The following SORCS1 variants were observed in gnomAD, a reference collection of about 807,000 sequenced individuals.
The protein encoded by SORCS1 is VPS10 domain-containing receptor SorCS1.
A neutral mutation model predicts 146.1 loss-of-function variants in SORCS1; 60 were observed. The observed-to-expected ratio is 0.41, with a 90% confidence interval of 0.33 to 0.51. The LOEUF (loss-of-function observed/expected upper bound fraction) is 0.51. Ranked by LOEUF, SORCS1 falls within the 20% of genes least tolerant of loss-of-function variation. The probability of loss-of-function intolerance (pLI) is 0.21; values close to 1 mark genes in which losing one functional copy is unlikely to be tolerated. For synonymous variants in SORCS1, 637 were observed against 584.0 expected (o/e 1.09, Z -1.31); for missense variants, 1,352 against 1,487.6 (o/e 0.91, Z 1.50).
intron 19 of SORCS1, among the ~76,000 whole-genome samples, chr10:106,624,953 G>A (rs970569847): frequency 6.6e-6 from 1 of 152,158 alleles, no homozygotes; most frequent in Non-Finnish European, 1.5e-5. Context: ...GACCCTGGAG[G>A]CCCCCAGCTG....
chr10:106,585,580 G>A (rs1845183842), intron 24 of SORCS1, among the ~76,000 whole-genome samples: 1 of 152,126 alleles, frequency 6.6e-6, no homozygotes, highest in Non-Finnish European at 1.5e-5. Context: ...TACATTGCTG[G>A]CTCAATCCTC....
intron 3 of SORCS1, among the ~76,000 whole-genome samples, chr10:106,808,107 G>A (rs1215775685): frequency 6.6e-6 from 1 of 152,206 alleles, no homozygotes; most frequent in Non-Finnish European, 1.5e-5. Flanking sequence ...CACAACCTCT[G>A]CTCTTGGGTT....
intron 18 of SORCS1, among the ~76,000 whole-genome samples, chr10:106,633,441 A>G (rs2133606536): frequency 6.6e-6 from 1 of 152,292 alleles, no homozygotes; most frequent in African/African-American, 2.4e-5. Context: ...GTGATTTTGG[A>G]CACATTAACC....
At chr10:106,820,192 A>G (rs561451707) in intron 3 of SORCS1, among the ~76,000 whole-genome samples, 2 of 152,172 alleles carry the variant, frequency 1.3e-5, no homozygotes, top group Non-Finnish European at 2.9e-5. Context: ...AACACTTAGT[A>G]TTCTACTCCC....
intron 2 of SORCS1, among the ~76,000 whole-genome samples, chr10:106,948,249 G>A (rs145358515): frequency 2.2e-4 from 33 of 150,676 alleles, no homozygotes; most frequent in Admixed American, 6.0e-4. Flanking sequence ...CAGGAAAGCT[G>A]AATCTAGGTG....
chr10:107,094,697 G>T (rs1186196283), intron 1 of SORCS1, among the ~76,000 whole-genome samples: 1 of 152,186 alleles, frequency 6.6e-6, no homozygotes, highest in East Asian at 1.9e-4. Context: ...TCAGTAGTTG[G>T]TAATATCAGA....
chr10:106,718,075 C>G (rs368665549), intron 6 of SORCS1, among the ~76,000 whole-genome samples: 12 of 152,144 alleles, frequency 7.9e-5, no homozygotes, highest in African/African-American at 2.7e-4. Context: ...TGAGGGAAAG[C>G]CTAGAAGGCT....
At chr10:107,072,540 TAC>T (rs1263712346) in intron 1 of SORCS1, among the ~76,000 whole-genome samples, 1 of 152,008 alleles carries the variant, frequency 6.6e-6, no homozygotes, top group Non-Finnish European at 1.5e-5. Flanking sequence ...TCTCTGAATA[TAC>T]ACACATACAT....
chr10:107,012,302 A>C (rs1298828323), intron 1 of SORCS1, among the ~76,000 whole-genome samples: 2 of 152,218 alleles, frequency 1.3e-5, no homozygotes, highest in Non-Finnish European at 2.9e-5. Flanking sequence ...AGAGGTTTGC[A>C]GAACTGCAGT....
At chr10:107,137,547 G>T (rs1967419436) in intron 1 of SORCS1, among the ~76,000 whole-genome samples, 1 of 152,156 alleles carries the variant, frequency 6.6e-6, no homozygotes, top group African/African-American at 2.4e-5. Flanking sequence ...TCCCAAAACT[G>T]AAAACTACTC....
intron 2 of SORCS1, among the ~76,000 whole-genome samples, chr10:106,912,248 C>G (rs1466919199): frequency 6.6e-6 from 1 of 152,104 alleles, no homozygotes; most frequent in Non-Finnish European, 1.5e-5. Context: ...AGAATGAAAT[C>G]CAATTATTGT....
chr10:107,147,178 C>G (rs980503475), intron 1 of SORCS1, among the ~76,000 whole-genome samples: 1 of 152,148 alleles, frequency 6.6e-6, no homozygotes, highest in Non-Finnish European at 1.5e-5. Flanking sequence ...TGGCACAGTG[C>G]TCTTAGGTCA....
intron 1 of SORCS1, among the ~76,000 whole-genome samples, chr10:107,011,605 G>T (rs1957698524): frequency 6.6e-6 from 1 of 152,186 alleles, no homozygotes; most frequent in African/African-American, 2.4e-5. Context: ...GAATTCCAAT[G>T]CTCCAAAGAA....
At chr10:107,026,211 T>G (rs1453907108) in intron 1 of SORCS1, among the ~76,000 whole-genome samples, 1 of 152,250 alleles carries the variant, frequency 6.6e-6, no homozygotes, top group African/African-American at 2.4e-5. Context: ...GAAAAAATGT[T>G]GTTCACCTGG....
At chr10:106,619,514 T>G (rs1923326) in intron 20 of SORCS1, among the ~76,000 whole-genome samples, 148,606 of 152,324 alleles carry the variant, frequency 0.98, 72,580 homozygotes, top group East Asian at 1. Flanking sequence ...GAAGATGGAG[T>G]GTTTCAGTCC....
intron 1 of SORCS1, among the ~76,000 whole-genome samples, chr10:107,067,592 T>C (rs1590060245): frequency 6.6e-6 from 1 of 152,338 alleles, no homozygotes; most frequent in East Asian, 1.9e-4. Flanking sequence ...AGTCCATAAA[T>C]ACAGCTTTTT....
chr10:107,109,650 A>T (rs886109797), intron 1 of SORCS1, among the ~76,000 whole-genome samples: 2 of 152,216 alleles, frequency 1.3e-5, no homozygotes, highest in Admixed American at 6.5e-5. Context: ...ATTCTCTGGG[A>T]TATTAACACT....
At chr10:106,896,206 A>G (rs1228170559) in intron 2 of SORCS1, among the ~76,000 whole-genome samples, 1 of 152,116 alleles carries the variant, frequency 6.6e-6, no homozygotes, top group Non-Finnish European at 1.5e-5. Flanking sequence ...AGGCGGGTGG[A>G]TCACCTGAAG....
rs1953416359 is a variant in SORCS1 at position 106,931,517 on chromosome 10, TC to T, written c.626+24995del. ...CACCATGCTGGCCTTCAGTGTAAAG[TC>T]CTCTGAAAGCTGGCAATCTCCCCAA... On this transcript the variant is annotated intron_variant, in intron 2 of 25. Coordinates refer to ENST00000263054, the MANE Select transcript of SORCS1 (RefSeq NM_052918.5). 2.0e-5 allele frequency among the ~76,000 whole-genome samples: 3 copies of T among 152,282 alleles called. No homozygotes were observed. In the South Asian group the frequency reaches 6.2e-4, roughly 32 times the overall value.
Sources: gnomAD v4.1 joint callset for allele counts (sites outside exome capture counted in the v4.1 genomes callset) on GRCh38, gnomAD v4.1.1 for gene constraint, MANE v1.5 for transcripts, NCBI Gene and HGNC (gene_info 2026-07-23, HGNC 2026-07-21) for gene names.